Variants in FRMPD3 observed in about 807,000 individuals in gnomAD.
FRMPD3 encodes the protein FERM and PDZ domain-containing protein 3.
A neutral mutation model predicts 97.9 loss-of-function variants in FRMPD3; 42 were observed. That is an observed-to-expected ratio of 0.43 (90% CI 0.34 to 0.55). The LOEUF is 0.55. Ranked by LOEUF, FRMPD3 falls within the 20% of genes least tolerant of loss-of-function variation. The probability of loss-of-function intolerance (pLI) is 0.03; values close to 1 mark genes in which losing one functional copy is unlikely to be tolerated. For synonymous variants in FRMPD3, 577 were observed against 581.1 expected, an observed-to-expected ratio of 0.99 and a Z score of 0.10; for missense variants, 1,303 against 1,457.7, an observed-to-expected ratio of 0.89 and a Z score of 1.73.
At chrX:107,508,138 C>G (rs925292544) in intron 1 of FRMPD3, among the ~76,000 whole-genome samples, 1 of 112,169 alleles carries the variant, frequency 8.9e-6, no homozygotes, top group Non-Finnish European at 1.9e-5. Flanking sequence ...GACCTGGGAT[C>G]TCAAAACAGT....
At position 107,601,682 on chromosome X, in the gene FRMPD3, C is replaced by A. The variant is rs375298972; in HGVS notation, c.3643C>A (p.Arg1215=). The change falls in exon 15 of 15, where the codon CGG becomes AGG. Residue 1215 remains arginine (R), a synonymous_variant. Coordinates refer to ENST00000683843, the MANE Select transcript of FRMPD3 (RefSeq NM_001388459.1). The part of the protein sequence containing the change: ...AKPKSSRGPF[R]LRNLFSATFP... The stretch of plus-strand genomic sequence containing the variant: ...ACCCAAGTCATCCCGAGGTCCTTTC[C>A]GGCTACGCAATTTATTCTCTGCCAC... 6.6e-6 allele frequency: 8 copies of A among 1,211,243 alleles called. No individual in the cohort carries two copies. The East Asian group carries it at 2.1e-4, about 31-fold the overall frequency.
intron 12 of FRMPD3, among the ~76,000 whole-genome samples, chrX:107,572,484 C>A (rs1244144175): frequency 1.8e-5 from 2 of 111,471 alleles, no homozygotes; most frequent in Non-Finnish European, 3.8e-5. Flanking sequence ...TTAGAAAGAG[C>A]CTTCAGACTT....
At chrX:107,547,534 AC>A (rs1306431289) in intron 5 of FRMPD3, among the ~76,000 whole-genome samples, 4 of 111,235 alleles carry the variant, frequency 3.6e-5, no homozygotes, top group Non-Finnish European at 7.6e-5. Flanking sequence ...ACCTAGAGTG[AC>A]CTCATTCTCT....
intron 13 of FRMPD3, among the ~76,000 whole-genome samples, chrX:107,591,159 TTC>T (rs1379577064): frequency 9.1e-6 from 1 of 110,348 alleles, no homozygotes; most frequent in East Asian, 2.8e-4. Context: ...CTTTCTTTCT[TTC>T]TTTTTTTTTT....
chrX:107,599,823 A>G (rs1209814285), intron 14 of FRMPD3, among the ~76,000 whole-genome samples: 1 of 109,105 alleles, frequency 9.2e-6, no homozygotes, highest in Admixed American at 9.9e-5. Context: ...TCCCACCCTC[A>G]GCCCTGCATT....
At chrX:107,553,554 T>C (rs1051994144) in intron 7 of FRMPD3, among the ~76,000 whole-genome samples, 1 of 110,791 alleles carries the variant, frequency 9.0e-6, no homozygotes, top group Admixed American at 9.5e-5. Flanking sequence ...AGCCAATCAG[T>C]ACTACCAAGT....
intron 4 of FRMPD3, among the ~76,000 whole-genome samples, chrX:107,540,747 G>A (rs1921256470): frequency 8.9e-6 from 1 of 111,925 alleles, no homozygotes; most frequent in East Asian, 2.8e-4. Flanking sequence ...CCAGCCTTAA[G>A]GTGCTCAATT....
chrX:107,464,305 G>A (rs751700170), intron 1 of FRMPD3, among the ~76,000 whole-genome samples: 3 of 110,649 alleles, frequency 2.7e-5, no homozygotes, highest in South Asian at 3.9e-4. Context: ...TAGCTATCAC[G>A]TTCCCTCAAG....
intron 3 of FRMPD3, among the ~76,000 whole-genome samples, 198 bp from the exon 4 acceptor site, chrX:107,533,307 G>A (rs1030869387): frequency 5.4e-5 from 6 of 111,833 alleles, no homozygotes; most frequent in African/African-American, 1.3e-4. Context: ...TCGGATACCT[G>A]TGTGAATTAA....
chrX:107,473,583 T>G (rs1368073933), intron 1 of FRMPD3, among the ~76,000 whole-genome samples: 1 of 112,108 alleles, frequency 8.9e-6, no homozygotes, highest in African/African-American at 3.2e-5. Flanking sequence ...CCCACAAACT[T>G]GACTTTGCAG....
At chrX:107,572,557 G>A (rs751320945) in intron 12 of FRMPD3, among the ~76,000 whole-genome samples, 1 of 110,980 alleles carries the variant, frequency 9.0e-6, no homozygotes, top group Admixed American at 9.6e-5. Flanking sequence ...GACCAACATG[G>A]TGAAACACCA....
chrX:107,516,826 T>G (rs1004883207), intron 1 of FRMPD3, among the ~76,000 whole-genome samples: 3 of 111,260 alleles, frequency 2.7e-5, no homozygotes, highest in Non-Finnish European at 5.7e-5. Context: ...TTCTGTAGGT[T>G]ACCTGTTCAC....
At position 107,603,942 on chromosome X, in the gene FRMPD3, A is replaced by G. The variant is rs781226550; in HGVS notation, c.*569A>G. 1 of 111,722 alleles carries G rather than the reference A, an allele frequency of 9.0e-6. No individual in the cohort carries two copies. Among genetic ancestry groups the G allele is most frequent in the Admixed American group, 9.4e-5 (1 of 10,613 alleles). 9.2% of individuals were successfully genotyped at this position (111,722 alleles called of 1,213,427 possible). ...GATGTCTGCAGAAAACAGCCACACT[A>G]GGCTGTTTGCAGCGGCCCAACTGGC... On this transcript the variant is annotated 3_prime_UTR_variant, in exon 15 of 15. Coordinates refer to ENST00000683843, the MANE Select transcript of FRMPD3 (RefSeq NM_001388459.1).
intron 1 of FRMPD3, among the ~76,000 whole-genome samples, chrX:107,499,401 T>C: frequency 8.9e-6 from 1 of 112,234 alleles, no homozygotes; most frequent in South Asian, 3.7e-4. Context: ...AATGCCATCC[T>C]CTTAATAAAA....
At chrX:107,469,593 C>T (rs1921008937) in intron 1 of FRMPD3, among the ~76,000 whole-genome samples, 1 of 112,331 alleles carries the variant, frequency 8.9e-6, no homozygotes, top group Non-Finnish European at 1.9e-5. Context: ...CTTCCTTTTG[C>T]CCAACACATG....
At chrX:107,501,193 C>T (rs998901367) in intron 1 of FRMPD3, among the ~76,000 whole-genome samples, 1 of 108,264 alleles carries the variant, frequency 9.2e-6, no homozygotes, top group African/African-American at 3.4e-5. Context: ...AGCTAGTCCA[C>T]AGCATGGGGG....
At position 107,590,807 on chromosome X, in the gene FRMPD3, G is replaced by A. The variant is rs146487020; in HGVS notation, c.1442-6514G>A. 9.5e-3 allele frequency among the ~76,000 whole-genome samples: 1,066 copies of A among 112,723 alleles called. 15 individuals are homozygous for A. Among genetic ancestry groups the A allele is most frequent in the African/African-American group, 0.032 (1,008 of 31,099 alleles). On this transcript the variant is annotated intron_variant, in intron 13 of 14. Coordinates refer to ENST00000683843, the MANE Select transcript of FRMPD3 (RefSeq NM_001388459.1). The stretch of plus-strand genomic sequence containing the variant: ...GCTGAATTCAGCTTGCTGGTATTTT[G>A]TTGAGGGATTTTGTGTCTGTATTCA...
At chrX:107,542,014 G>A (rs1418907906) in intron 4 of FRMPD3, among the ~76,000 whole-genome samples, 1 of 112,947 alleles carries the variant, frequency 8.9e-6, no homozygotes, top group Non-Finnish European at 1.9e-5. Context: ...GCATCTGAGG[G>A]CAGATGATGG....
chrX:107,557,664 C>CGTGTGTGT (rs760760257), intron 8 of FRMPD3, among the ~76,000 whole-genome samples: 2 of 87,161 alleles, frequency 2.3e-5, no homozygotes, highest in African/African-American at 8.7e-5. Flanking sequence ...ATCAAAGTTT[C>CGTGTGTGT]GTGTGTGTGT....
Sources: allele counts gnomAD v4.1 joint callset (sites outside exome capture counted in the v4.1 genomes callset), GRCh38; gene constraint gnomAD v4.1.1; transcripts MANE v1.5; gene names NCBI Gene and HGNC (gene_info 2026-07-23, HGNC 2026-07-21).